Variants in RGSL1 observed in about 807,000 individuals in gnomAD.
The protein encoded by RGSL1 is regulator of G protein signaling protein-like.
RGSL1 carries 97 observed loss-of-function variants against 124.7 expected under a neutral mutation model. That is an observed-to-expected ratio of 0.78 (90% confidence interval 0.66 to 0.92). The LOEUF (loss-of-function observed/expected upper bound fraction) is 0.92. RGSL1 is among the 40% of genes least tolerant of loss of function. The pLI is 0.00. For synonymous variants in RGSL1, 424 were observed against 438.1 expected (o/e 0.97, Z 0.40); for missense variants, 1,233 against 1,288.4 (o/e 0.96, Z 0.66).
chr1:182,480,275 A>G (rs544107065), intron 6 of RGSL1, among the ~76,000 whole-genome samples: 171 of 152,220 alleles, frequency 1.1e-3, no homozygotes, highest in Middle Eastern at 0.01. Flanking sequence ...AAGATTAAAA[A>G]TATTCCATAG....
intron 14 of RGSL1, among the ~76,000 whole-genome samples, chr1:182,533,438 AAC>A (rs1205935891): frequency 6.7e-6 from 1 of 150,084 alleles, no homozygotes; most frequent in East Asian, 2.0e-4. Flanking sequence ...TCATTCATTT[AAC>A]ACACGTTTTG....
intron 20 of RGSL1, chr1:182,555,792 C>T (rs906229380): frequency 7.5e-6 from 4 of 533,498 alleles, no homozygotes; most frequent in Admixed American, 3.5e-5. Flanking sequence ...AGAAGACAAA[C>T]CAGATACTTT....
At chr1:182,529,351 T>C (rs1359206761) in intron 11 of RGSL1, among the ~76,000 whole-genome samples, 3 of 152,178 alleles carry the variant, frequency 2.0e-5, no homozygotes, top group Non-Finnish European at 4.4e-5. Flanking sequence ...AGCCTGAAGT[T>C]AGATACAAAA....
intron 1 of RGSL1, among the ~76,000 whole-genome samples, chr1:182,452,655 G>A (rs1359572316): frequency 6.6e-6 from 1 of 152,020 alleles, no homozygotes; most frequent in South Asian, 2.1e-4. Context: ...GTTTCATCAT[G>A]TTGGTCAGCC....
At chr1:182,542,443 A>G (rs926204272) in intron 15 of RGSL1, among the ~76,000 whole-genome samples, 1 of 152,170 alleles carries the variant, frequency 6.6e-6, no homozygotes, top group Non-Finnish European at 1.5e-5. Context: ...TTATGCCAGC[A>G]CCATGCTGAT....
intron 6 of RGSL1, among the ~76,000 whole-genome samples, chr1:182,477,135 G>A (rs977019142): frequency 2.0e-5 from 3 of 152,150 alleles, no homozygotes; most frequent in Non-Finnish European, 4.4e-5. Context: ...GACCCAAGTT[G>A]GAGGTTGCAC....
At chr1:182,511,773 C>A (rs1373694457) in intron 9 of RGSL1, among the ~76,000 whole-genome samples, 2 of 152,160 alleles carry the variant, frequency 1.3e-5, no homozygotes, top group African/African-American at 4.8e-5. Context: ...TAAAAAATTT[C>A]TCTGAAGAAT....
chr1:182,481,122 T>G (rs1204675024), intron 6 of RGSL1, among the ~76,000 whole-genome samples: 7 of 151,816 alleles, frequency 4.6e-5, no homozygotes, highest in African/African-American at 1.7e-4. Context: ...ATAAATGAAA[T>G]GGAGAATAGA....
chr1:182,534,893 C>A (rs781222444), intron 14 of RGSL1, among the ~76,000 whole-genome samples: 1 of 152,054 alleles, frequency 6.6e-6, no homozygotes, highest in Non-Finnish European at 1.5e-5. Flanking sequence ...AGCCCTCATG[C>A]CCCAGAATGG....
At chr1:182,525,518 A>T (rs902485956) in intron 10 of RGSL1, among the ~76,000 whole-genome samples, 5 of 152,180 alleles carry the variant, frequency 3.3e-5, no homozygotes, top group Non-Finnish European at 7.3e-5. Context: ...ACTAGAGGCA[A>T]TCAATAACAG....
In RGSL1 at chr1:182,474,283, T is replaced by G. The variant is rs908192948; in HGVS notation, c.1172T>G (p.Leu391Arg). 1.9e-6 allele frequency: 3 copies of G among 1,551,798 alleles called. No individual in the cohort carries two copies. Among genetic ancestry groups the G allele is most frequent in the Non-Finnish European group, 2.6e-6 (3 of 1,147,002 alleles). ...CCTTTCCGGGACCACCTGAAGAAGC[T>G]GAATTTGAAAGTGGAGATCCAACTT... ...GNPFRDHLKK[L>R]NLKVEIQLLD... Residue 391 changes from leucine to arginine, a missense_variant, in exon 6 of 22, where the codon CTG (leucine) becomes CGG (arginine). Leu to Arg is a moderately radical substitution (Grantham distance 102). Transcript: ENST00000294854.
intron 4 of RGSL1, among the ~76,000 whole-genome samples, chr1:182,464,937 A>T (rs1653159347): frequency 6.6e-6 from 1 of 151,900 alleles, no homozygotes; most frequent in South Asian, 2.1e-4. Context: ...AAATAAAAAT[A>T]AAAAATCCAG....
In RGSL1 at chr1:182,473,380, G is replaced by A. The variant is rs535576682; in HGVS notation, c.464-195G>A. Reference sequence around the variant, plus strand: ...TATTTCTATGGAGAATAAGATAAAGGGATCCCTGTGTGCTGAGAAAACCAT... The same window carrying A: ...TATTTCTATGGAGAATAAGATAAAGAGATCCCTGTGTGCTGAGAAAACCAT... On this transcript the variant is annotated intron_variant, in intron 5 of 21. Transcript: ENST00000294854. Among the ~76,000 whole-genome samples the A allele has an allele frequency of 3.9e-5, 6 of 152,144 alleles. No homozygotes were observed. The South Asian group carries it at 1.2e-3, about 32-fold the overall frequency.
intron 6 of RGSL1, among the ~76,000 whole-genome samples, chr1:182,476,947 T>C (rs1449531258): frequency 1.3e-5 from 2 of 152,216 alleles, no homozygotes; most frequent in Non-Finnish European, 2.9e-5. Flanking sequence ...CCATTTGATA[T>C]AAAATTGCAA....
chr1:182,507,997 C>T (rs1486517864), intron 9 of RGSL1, among the ~76,000 whole-genome samples: 2 of 152,110 alleles, frequency 1.3e-5, no homozygotes, highest in African/African-American at 4.8e-5. Flanking sequence ...ATGCCCAGCC[C>T]AGATGTTTTT....
chr1:182,515,737 G>A (rs1375008039), intron 9 of RGSL1, among the ~76,000 whole-genome samples: 1 of 152,202 alleles, frequency 6.6e-6, no homozygotes, highest in African/African-American at 2.4e-5. Context: ...GCCAGCGGCA[G>A]CCGTGGTTTT....
At chr1:182,454,148 T>C (rs1652080506) in intron 2 of RGSL1, 108 bp downstream of exon 2, 1 of 677,314 alleles carries the variant, frequency 1.5e-6, no homozygotes, top group South Asian at 1.8e-5. Flanking sequence ...GGGGTTTTAC[T>C]AAATGTCTTC....
intron 8 of RGSL1, among the ~76,000 whole-genome samples, chr1:182,492,760 C>T (rs551284361): frequency 8.5e-5 from 13 of 152,060 alleles, no homozygotes; most frequent in African/African-American, 2.9e-4. Flanking sequence ...TCCCAAGTAG[C>T]TGGGACCACA....
chr1:182,549,279 C>T (rs10797786), intron 17 of RGSL1: 80,973 of 156,698 alleles, frequency 0.52, 21,252 homozygotes, highest in Non-Finnish European at 0.56. Flanking sequence ...AGCACAGTTG[C>T]TAGATACTCC....
Sources: allele counts gnomAD v4.1 joint callset (sites outside exome capture counted in the v4.1 genomes callset), GRCh38; gene constraint gnomAD v4.1.1; transcripts MANE v1.5; gene names NCBI Gene and HGNC (gene_info 2026-07-23, HGNC 2026-07-21).